Variants in MYO6 observed in about 807,000 individuals in gnomAD.
The protein encoded by MYO6 is unconventional myosin-VI.
A neutral mutation model predicts 178.7 loss-of-function variants in MYO6; 74 were observed. That is an observed-to-expected ratio of 0.41 (90% CI 0.34 to 0.50). MYO6 has a LOEUF of 0.50. Among genes scored for constraint, MYO6 ranks in the 20% least tolerant of loss-of-function variants. The probability of loss-of-function intolerance (pLI) is 0.09; values close to 1 mark genes in which losing one functional copy is unlikely to be tolerated. For missense variants in MYO6, 1,330 were observed against 1,547.4 expected (o/e 0.86, Z 2.36); for synonymous variants, 477 against 504.6 (o/e 0.95, Z 0.73).
intron 1 of MYO6, among the ~76,000 whole-genome samples, chr6:75,803,899 G>C (rs551488953): frequency 6.6e-6 from 1 of 151,942 alleles, no homozygotes; most frequent in African/African-American, 2.4e-5. Context: ...TTTGTTTTTT[G>C]TTTTTGATTT....
chr6:75,915,213 C>T lies in MYO6; in HGVS notation c.*201C>T. 1 of 602,918 alleles carries T rather than the reference C, an allele frequency of 1.7e-6. No individual in the cohort carries two copies. The highest frequency in any genetic ancestry group is 2.9e-6 in the Non-Finnish European group (1 of 341,160). 37.3% of individuals were successfully genotyped at this position (602,918 alleles called of 1,614,324 possible). On this transcript the variant is annotated 3_prime_UTR_variant, in exon 35 of 35. Coordinates refer to ENST00000369977, the MANE Select transcript of MYO6 (RefSeq NM_004999.4). ...GGACCTAAACATTATTTTTCTGTAT[C>T]CCGCTGTAATTCCCAAAACTCTCAT...
At chr6:75,852,003 A>G (rs550788431) in intron 11 of MYO6, among the ~76,000 whole-genome samples, 2 of 152,282 alleles carry the variant, frequency 1.3e-5, no homozygotes, top group South Asian at 4.1e-4. Flanking sequence ...ATAAAATGTT[A>G]TTATAAGAAA....
chr6:75,866,220 TC>T (rs1366125520), intron 16 of MYO6, among the ~76,000 whole-genome samples: 1 of 152,048 alleles, frequency 6.6e-6, no homozygotes, highest in Non-Finnish European at 1.5e-5. Flanking sequence ...ACAAGCATGT[TC>T]TTTTAAATTG....
chr6:75,774,258 A>G (rs959407202), intron 1 of MYO6, among the ~76,000 whole-genome samples: 2 of 152,198 alleles, frequency 1.3e-5, no homozygotes, highest in African/African-American at 4.8e-5. Flanking sequence ...AAAATGGTAT[A>G]TATTTTTCTA....
At chr6:75,762,036 A>G (rs922220914) in intron 1 of MYO6, among the ~76,000 whole-genome samples, 4 of 151,622 alleles carry the variant, frequency 2.6e-5, no homozygotes, top group Non-Finnish European at 5.9e-5. Flanking sequence ...GGTTCACGCC[A>G]TTCTCCTGCC....
In MYO6 at chr6:75,914,536, A is replaced by G. The variant is rs550074064; in HGVS notation, c.3658+255A>G. Among the ~76,000 whole-genome samples, 14 of 152,272 alleles carry G rather than the reference A, an allele frequency of 9.2e-5. No homozygotes were observed. In the South Asian group the frequency reaches 2.1e-3, roughly 23 times the overall value. ...AACCTTTCCATTTGTGTTTCATCAT[A>G]TCCATTGATTTGTAGTGGCTTGAGG... On this transcript the variant is annotated intron_variant, in intron 34 of 34. Coordinates refer to ENST00000369977, the MANE Select transcript of MYO6 (RefSeq NM_004999.4).
chr6:75,840,487 T>A, intron 7 of MYO6, 98 bp from the exon 8 acceptor site: 2 of 851,516 alleles, frequency 2.3e-6, no homozygotes, highest in Non-Finnish European at 4.0e-6. Context: ...AGAACATTTT[T>A]TTCTAGACAT....
chr6:75,887,937 C>T (rs970264986), intron 25 of MYO6, among the ~76,000 whole-genome samples: 6 of 151,718 alleles, frequency 4.0e-5, no homozygotes, highest in Admixed American at 3.3e-4. Context: ...CGAGATCGCG[C>T]CACTGCACTC....
rs1781272065 is a variant in MYO6 at position 75,918,855 on chromosome 6, C to T, written c.*3843C>T. On this transcript the variant is annotated 3_prime_UTR_variant, in exon 35 of 35. Transcript: ENST00000369977. ...AGATTTAGGGCTGGGCGCGGTGGCT[C>T]ACGCCTGTAATCCCAGCACTTTGGG... 6.6e-6 allele frequency: 1 copy of T among 152,216 alleles called. No homozygotes were observed. Among genetic ancestry groups the T allele is most frequent in the African/African-American group, 2.4e-5 (1 of 41,454 alleles). The allele number at this position is 152,216 out of a possible 1,614,324, so 9.4% of individuals were successfully genotyped here.
intron 1 of MYO6, among the ~76,000 whole-genome samples, chr6:75,765,465 C>G (rs1171539425): frequency 2.6e-5 from 4 of 152,046 alleles, no homozygotes; most frequent in Admixed American, 6.6e-5. Flanking sequence ...GCATGAGCCA[C>G]TGCATCTGGC....
intron 9 of MYO6, 92 bp downstream of exon 9, chr6:75,841,470 C>T: frequency 7.8e-7 from 1 of 1,285,654 alleles, no homozygotes. Context: ...GGATGGATTG[C>T]TTGAGCCTGG....
At chr6:75,834,841 C>T (rs775987028) in intron 6 of MYO6, among the ~76,000 whole-genome samples, 1 of 152,142 alleles carries the variant, frequency 6.6e-6, no homozygotes, top group Non-Finnish European at 1.5e-5. Context: ...ACACACAATT[C>T]TGGTTAAGTG....
At chr6:75,818,863 A>G (rs2150171831) in intron 2 of MYO6, among the ~76,000 whole-genome samples, 1 of 151,958 alleles carries the variant, frequency 6.6e-6, no homozygotes, top group East Asian at 1.9e-4. Context: ...AATTCAGTAC[A>G]TGTTTAAAAA....
At chr6:75,821,362 G>A (rs1455612659) in intron 2 of MYO6, among the ~76,000 whole-genome samples, 10 of 152,240 alleles carry the variant, frequency 6.6e-5, no homozygotes, top group Admixed American at 6.5e-4. Flanking sequence ...ATTTCTGAAT[G>A]CATTTTCCTA....
intron 26 of MYO6, among the ~76,000 whole-genome samples, chr6:75,890,785 T>G (rs559188446): frequency 1.3e-5 from 2 of 152,348 alleles, no homozygotes; most frequent in Non-Finnish European, 2.9e-5. Flanking sequence ...CTCTTACACC[T>G]GAGGATTTTC....
intron 14 of MYO6, 47 bp from the exon 15 acceptor site, chr6:75,860,976 A>C: frequency 7.6e-7 from 1 of 1,312,038 alleles, no homozygotes; most frequent in Non-Finnish European, 1.1e-6. Flanking sequence ...AAAATTCACT[A>C]TTGCTCAGTA....
chr6:75,767,374 A>C (rs2150008189), intron 1 of MYO6, among the ~76,000 whole-genome samples: 1 of 152,208 alleles, frequency 6.6e-6, no homozygotes, highest in African/African-American at 2.4e-5. Context: ...TGAGACACTG[A>C]AGCTTTTACA....
intron 2 of MYO6, among the ~76,000 whole-genome samples, chr6:75,820,314 T>C (rs1771741653): frequency 6.6e-6 from 1 of 152,212 alleles, no homozygotes; most frequent in Non-Finnish European, 1.5e-5. Flanking sequence ...ATGTGCTTTG[T>C]GTCATTGCTA....
chr6:75,813,936 TC>T (rs1425246837), intron 1 of MYO6, among the ~76,000 whole-genome samples: 1 of 152,104 alleles, frequency 6.6e-6, no homozygotes, highest in South Asian at 2.1e-4. Context: ...CCTTTACCCT[TC>T]CCTCTTCGCC....
Sources: gnomAD v4.1 joint callset for allele counts (sites outside exome capture counted in the v4.1 genomes callset) on GRCh38, gnomAD v4.1.1 for gene constraint, MANE v1.5 for transcripts, NCBI Gene and HGNC (gene_info 2026-07-23, HGNC 2026-07-21) for gene names.